The following ALKBH3 variants were observed in gnomAD, a reference collection of about 807,000 sequenced individuals.
The protein encoded by ALKBH3 is alkB homolog 3, alpha-ketoglutarate dependent dioxygenase.
In ALKBH3, 51 loss-of-function variants were observed where a neutral mutation model predicts 43.9. The observed-to-expected ratio is 1.16, with a 90% CI of 0.93 to 1.47. The LOEUF is 1.47. ALKBH3 is among the 40% of genes most tolerant of loss of function. The pLI is 0.00. For missense variants in ALKBH3, 361 were observed against 351.9 expected, an observed-to-expected ratio of 1.03 and a Z score of -0.21; for synonymous variants, 102 against 115.2, an observed-to-expected ratio of 0.89 and a Z score of 0.73.
chr11:43,905,397 G>A (rs927546209), intron 8 of ALKBH3, among the ~76,000 whole-genome samples: 1 of 151,606 alleles, frequency 6.6e-6, no homozygotes, highest in Non-Finnish European at 1.5e-5. Context: ...ATCATCTCTC[G>A]GATTAAACAT....
chr11:43,905,575 T>C (rs1832278802), intron 8 of ALKBH3, among the ~76,000 whole-genome samples: 1 of 152,216 alleles, frequency 6.6e-6, no homozygotes, highest in Non-Finnish European at 1.5e-5. Flanking sequence ...TGTTTAAGCT[T>C]GCTTTTACAT....
intron 9 of ALKBH3, chr11:43,919,589 A>G: frequency 3.2e-6 from 1 of 311,122 alleles, no homozygotes; most frequent in South Asian, 4.4e-5. Flanking sequence ...CACTTACCAT[A>G]AGAATGGAAT....
chr11:43,898,065 C>A, intron 7 of ALKBH3: 2 of 996,572 alleles, frequency 2.0e-6, no homozygotes, highest in Non-Finnish European at 3.2e-6. Context: ...CAGATGCTGT[C>A]CTCAAGGAGG....
chr11:43,892,196 TAAC>T lies in ALKBH3; in HGVS notation c.459+73_459+75del, dbSNP rs1167745815. On this transcript the variant is annotated intron_variant, in intron 7 of 9. Transcript: ENST00000302708. ...ATACTATGTGTTGAGTGCTATAAAA[TAAC>T]AACAAATTACCTTGCAGAGATTCAT... 6 of 1,338,398 alleles carry T rather than the reference TAAC, an allele frequency of 4.5e-6. No homozygotes were observed. In the East Asian group the frequency reaches 1.2e-4, roughly 26 times the overall value. The allele number at this position is 1,338,398 out of a possible 1,614,324, so 82.9% of individuals were successfully genotyped here.
intron 5 of ALKBH3, among the ~76,000 whole-genome samples, chr11:43,888,751 A>G (rs1480971986): frequency 6.6e-6 from 1 of 152,260 alleles, no homozygotes; most frequent in Non-Finnish European, 1.5e-5. Flanking sequence ...TCACAAAATC[A>G]GATGCACCTT....
chr11:43,883,368 A>T (rs1951724990), intron 3 of ALKBH3, among the ~76,000 whole-genome samples, 180 bp downstream of exon 3: 7 of 152,206 alleles, frequency 4.6e-5, no homozygotes, highest in Admixed American at 4.6e-4. Flanking sequence ...GATTCTTCGT[A>T]GTCTGCTCCC....
At chr11:43,905,442 GT>G (rs36013210) in intron 8 of ALKBH3, among the ~76,000 whole-genome samples, 75 of 144,862 alleles carry the variant, frequency 5.2e-4, no homozygotes, top group Admixed American at 2.0e-3. Context: ...TTTGTTTTTT[GT>G]TTTTTTTTTT....
chr11:43,898,161 CA>C, intron 7 of ALKBH3: 1 of 1,231,264 alleles, frequency 8.1e-7, no homozygotes, highest in Non-Finnish European at 1.2e-6. Context: ...CTGACTACAT[CA>C]AGAGATACCT....
intron 7 of ALKBH3, among the ~76,000 whole-genome samples, chr11:43,894,746 T>G (rs1191211151): frequency 6.6e-6 from 1 of 152,244 alleles, no homozygotes; most frequent in African/African-American, 2.4e-5. Flanking sequence ...AAGATAAATT[T>G]AAAGCTGTAA....
intron 5 of ALKBH3, among the ~76,000 whole-genome samples, chr11:43,888,926 G>C (rs1951764363): frequency 6.6e-6 from 1 of 152,214 alleles, no homozygotes; most frequent in African/African-American, 2.4e-5. Flanking sequence ...TGTTTATTTT[G>C]ATACAGTCAT....
chr11:43,914,500 C>A (rs1273463270), intron 8 of ALKBH3, among the ~76,000 whole-genome samples: 1 of 151,930 alleles, frequency 6.6e-6, no homozygotes, highest in Non-Finnish European at 1.5e-5. Flanking sequence ...AAAAGAATAA[C>A]CCAACCACCA....
intron 7 of ALKBH3, chr11:43,897,245 G>A (rs562999286): frequency 8.0e-5 from 44 of 549,184 alleles, no homozygotes; most frequent in Non-Finnish European, 1.2e-4. Flanking sequence ...TAGTGGAACC[G>A]CGACTGCTCC....
chr11:43,900,215 ATTTTTTTTTTTTTT>A (rs34274072), intron 7 of ALKBH3, among the ~76,000 whole-genome samples: 4 of 87,150 alleles, frequency 4.6e-5, no homozygotes, highest in African/African-American at 1.3e-4. Flanking sequence ...TTTTAATTTA[ATTTTTTTTTTTTTT>A]TTTTTTTTTT....
At chr11:43,885,943 T>C (rs1951743439) in intron 4 of ALKBH3, among the ~76,000 whole-genome samples, 1 of 151,950 alleles carries the variant, frequency 6.6e-6, no homozygotes. Flanking sequence ...TGAATGAGAG[T>C]TTTCCACTGG....
chr11:43,900,223 T>C (rs919119990), intron 7 of ALKBH3, among the ~76,000 whole-genome samples: 1 of 128,104 alleles, frequency 7.8e-6, no homozygotes, highest in Non-Finnish European at 1.7e-5. Context: ...TAATTTTTTT[T>C]TTTTTTTTTT....
chr11:43,892,562 A>G (rs1951791851), intron 7 of ALKBH3, among the ~76,000 whole-genome samples: 1 of 152,154 alleles, frequency 6.6e-6, no homozygotes. Context: ...TATTTATTCT[A>G]TGGCTGCAGT....
intron 5 of ALKBH3, among the ~76,000 whole-genome samples, chr11:43,889,253 G>A (rs1397482899): frequency 6.6e-6 from 1 of 152,206 alleles, no homozygotes; most frequent in Non-Finnish European, 1.5e-5. Flanking sequence ...TCGAACTCCT[G>A]ACCTCAGGTG....
chr11:43,883,219 T>C (rs1244509706), intron 3 of ALKBH3, 31 bp downstream of exon 3: 3 of 1,555,502 alleles, frequency 1.9e-6, no homozygotes, highest in East Asian at 2.3e-5. Flanking sequence ...TCAATAGTGA[T>C]AAAAATTTGC....
At position 43,892,072 on chromosome 11, in the gene ALKBH3, A is replaced by G; in HGVS notation, c.402A>G (p.Ala134=). 2 of 1,613,594 alleles carry G rather than the reference A, an allele frequency of 1.2e-6. No homozygotes were observed. Among genetic ancestry groups the G allele is most frequent in the Non-Finnish European group, 1.7e-6 (2 of 1,179,502 alleles). The change falls in exon 7 of 10, where the codon GCA becomes GCG. Residue 134 remains alanine, a synonymous_variant. Transcript: ENST00000302708. ...DITYQQPRLT[A]WYGELPYTYS... is the part of the protein sequence containing the mutation. ...CTTATCAGCAACCAAGACTTACAGC[A>G]TGGTATGGAGAACTTCCTTACACTT...
Sources: allele counts gnomAD v4.1 joint callset (sites outside exome capture counted in the v4.1 genomes callset), GRCh38; gene constraint gnomAD v4.1.1; transcripts MANE v1.5; gene names NCBI Gene and HGNC (gene_info 2026-07-23, HGNC 2026-07-21).